Variants in MAP3K13 observed in about 807,000 individuals in gnomAD.
The protein encoded by MAP3K13 is mitogen-activated protein kinase kinase kinase 13.
Under a neutral mutation model 104.0 loss-of-function variants are expected in MAP3K13, and 52 were observed. That is an observed-to-expected ratio of 0.50 (90% confidence interval 0.40 to 0.63). The LOEUF (loss-of-function observed/expected upper bound fraction) is 0.63, where lower values mean the gene tolerates loss of function less well. Among genes scored for constraint, MAP3K13 ranks in the 20% least tolerant of loss-of-function variants. The probability of loss-of-function intolerance (pLI) is 0.00; values close to 1 mark genes in which losing one functional copy is unlikely to be tolerated. For synonymous variants in MAP3K13, 394 were observed against 442.2 expected, an observed-to-expected ratio of 0.89 and a Z score of 1.37; for missense variants, 914 against 1,218.5, an observed-to-expected ratio of 0.75 and a Z score of 3.72.
At chr3:185,471,306 CTT>C (rs748807847) in intron 10 of MAP3K13, among the ~76,000 whole-genome samples, 27 of 83,426 alleles carry the variant, frequency 3.2e-4, no homozygotes, top group Middle Eastern at 6.8e-3. Flanking sequence ...ATGACCTTTG[CTT>C]TTTTTTTTTT....
chr3:185,454,623 TG>T (rs1716216625), intron 7 of MAP3K13, among the ~76,000 whole-genome samples: 1 of 43,592 alleles, frequency 2.3e-5, no homozygotes, highest in African/African-American at 5.5e-5. Context: ...GATATATATA[TG>T]AGATATATAT....
intron 7 of MAP3K13, among the ~76,000 whole-genome samples, chr3:185,457,673 C>A (rs758862734): frequency 4.1e-4 from 63 of 152,196 alleles, no homozygotes; most frequent in Non-Finnish European, 7.8e-4. Context: ...ACCATAGCAG[C>A]ATTTTTTCAT....
intron 2 of MAP3K13, among the ~76,000 whole-genome samples, chr3:185,288,841 C>T (rs549454041): frequency 6.6e-6 from 1 of 152,242 alleles, no homozygotes; most frequent in South Asian, 2.1e-4. Context: ...GAAGAGAGAA[C>T]TCAAAAATTT....
At position 185,404,845 on chromosome 3, in the gene MAP3K13, G is replaced by A. The variant is rs1043720064; in HGVS notation, c.-85-23652G>A. On this transcript the variant is annotated intron_variant, in intron 1 of 13. Coordinates refer to ENST00000265026, the MANE Select transcript of MAP3K13 (RefSeq NM_004721.5). The stretch of plus-strand genomic sequence containing the variant: ...GCCCGCCTCGCCTCGGCCTCCCAAA[G>A]TGTTGGGATTACAGGCATGAGCCAC... Among the ~76,000 whole-genome samples the A allele has an allele frequency of 2.0e-5, 3 of 152,182 alleles. No homozygotes were observed. In the East Asian group the frequency reaches 5.8e-4, roughly 29 times the overall value.
At chr3:185,310,416 C>G (rs1721456101) in intron 2 of MAP3K13, among the ~76,000 whole-genome samples, 2 of 151,892 alleles carry the variant, frequency 1.3e-5, no homozygotes, top group African/African-American at 4.8e-5. Context: ...TCAACAGACC[C>G]AGACCCAGAG....
chr3:185,380,994 G>A (rs891561150), intron 1 of MAP3K13, among the ~76,000 whole-genome samples: 11 of 145,064 alleles, frequency 7.6e-5, no homozygotes, highest in African/African-American at 2.3e-4. Flanking sequence ...ATGAAGTCTC[G>A]CTCTGTTACC....
intron 1 of MAP3K13, among the ~76,000 whole-genome samples, chr3:185,386,963 T>A (rs1711734097): frequency 6.6e-6 from 1 of 152,146 alleles, no homozygotes; most frequent in Admixed American, 6.6e-5. Flanking sequence ...CTGGGCTTAA[T>A]GCCTGGGGAA....
At chr3:185,295,915 G>GTCACTTAGATATTTCAGATAT (rs1171255964) in intron 2 of MAP3K13, among the ~76,000 whole-genome samples, 3 of 152,112 alleles carry the variant, frequency 2.0e-5, no homozygotes, top group Non-Finnish European at 4.4e-5. Flanking sequence ...TTTCAGTACT[G>GTCACTTAGATATTTCAGATAT]TAAGTTCTGG....
intron 9 of MAP3K13, among the ~76,000 whole-genome samples, chr3:185,466,490 C>T (rs573824517): frequency 7.3e-5 from 11 of 151,226 alleles, no homozygotes; most frequent in African/African-American, 2.7e-4. Context: ...GATTCTCCTG[C>T]CTCAGCCTCC....
chr3:185,433,637 A>T (rs1241957111), intron 2 of MAP3K13, among the ~76,000 whole-genome samples: 3 of 152,186 alleles, frequency 2.0e-5, no homozygotes, highest in African/African-American at 7.2e-5. Flanking sequence ...TTGTTGAAGC[A>T]TTACTTTCTT....
chr3:185,344,325 C>T (rs555315424), intron 2 of MAP3K13, among the ~76,000 whole-genome samples: 4 of 152,174 alleles, frequency 2.6e-5, no homozygotes, highest in South Asian at 2.1e-4. Flanking sequence ...GAGACATGGA[C>T]GGGCTTATAG....
At chr3:185,398,770 C>A (rs1051416942) in intron 1 of MAP3K13, among the ~76,000 whole-genome samples, 1 of 152,196 alleles carries the variant, frequency 6.6e-6, no homozygotes, top group Non-Finnish European at 1.5e-5. Context: ...CTATTCCTTG[C>A]AGATTATGTT....
At position 185,486,327 on chromosome 3, in the gene MAP3K13, C is replaced by T. The variant is rs919457037; in HGVS notation, c.*3871C>T. 5.9e-5 allele frequency: 9 copies of T among 152,054 alleles called. No homozygotes were observed. The highest frequency in any genetic ancestry group is 1.9e-4 in the East Asian group (1 of 5,196). 9.4% of individuals were successfully genotyped at this position (152,054 alleles called of 1,614,324 possible). ...GAATCTCAGTCATTCATTGTATAGT[C>T]GAGAGTTGAATAAAGTCCATATTGA... On this transcript the variant is annotated 3_prime_UTR_variant, in exon 14 of 14. Transcript: ENST00000265026.
At chr3:185,293,438 C>A (rs1720816034) in intron 2 of MAP3K13, among the ~76,000 whole-genome samples, 1 of 151,992 alleles carries the variant, frequency 6.6e-6, no homozygotes, top group Non-Finnish European at 1.5e-5. Flanking sequence ...CAGGGTCTCA[C>A]TTTATCACCC....
intron 10 of MAP3K13, among the ~76,000 whole-genome samples, chr3:185,472,208 T>C (rs966028016): frequency 2.9e-4 from 41 of 143,798 alleles, no homozygotes; most frequent in African/African-American, 7.8e-4. Flanking sequence ...CCTTCTTCTT[T>C]TTTTTTTTTT....
Position 185,455,657 on chromosome 3 carries a change from G to C in MAP3K13, c.1278+4262G>C, listed in dbSNP as rs547987892. 1.1e-3 allele frequency among the ~76,000 whole-genome samples: 61 copies of C among 56,028 alleles called. 12 individuals are homozygous for C. The highest frequency in any genetic ancestry group is 0.018 in the Middle Eastern group (1 of 56). 36.8% of individuals were successfully genotyped at this position (56,028 alleles called of 152,430 possible). A position where few individuals can be genotyped will look rare whatever the true frequency, so the allele number is the denominator to read the frequency against. On this transcript the variant is annotated intron_variant, in intron 7 of 13. Transcript: ENST00000265026. ...TATGATATATATGAGATATATATAT[G>C]ATATATATATGATATATATATGAGA...
intron 8 of MAP3K13, among the ~76,000 whole-genome samples, chr3:185,463,883 G>T (rs1489196602): frequency 6.6e-6 from 1 of 152,164 alleles, no homozygotes; most frequent in African/African-American, 2.4e-5. Flanking sequence ...CTGCAACAAA[G>T]ATTCTTGAAA....
At chr3:185,288,891 T>A (rs2108670285) in intron 2 of MAP3K13, among the ~76,000 whole-genome samples, 1 of 152,296 alleles carries the variant, frequency 6.6e-6, no homozygotes, top group South Asian at 2.1e-4. Context: ...CATAAGTCTT[T>A]CCTAGCATTC....
chr3:185,470,247 A>G lies in MAP3K13; in HGVS notation c.1644-2728A>G, dbSNP rs940920383. Reference sequence around the variant, plus strand: ...TTCTGGTCCAAAGAAGGGTAAGGCTACTTGCTGGTAGGAAGAAAGCAGTGG... The same window carrying G: ...TTCTGGTCCAAAGAAGGGTAAGGCTGCTTGCTGGTAGGAAGAAAGCAGTGG... On this transcript the variant is annotated intron_variant, in intron 10 of 13. Transcript: ENST00000265026. Among the ~76,000 whole-genome samples the G allele has an allele frequency of 2.0e-5, 3 of 152,240 alleles. No homozygotes were observed. In the East Asian group the frequency reaches 5.8e-4, roughly 29 times the overall value.
Sources: gnomAD v4.1 joint callset for allele counts (sites outside exome capture counted in the v4.1 genomes callset) on GRCh38, gnomAD v4.1.1 for gene constraint, MANE v1.5 for transcripts, NCBI Gene and HGNC (gene_info 2026-07-23, HGNC 2026-07-21) for gene names.